Variants in NRXN3 observed in about 807,000 individuals in gnomAD.
The protein encoded by NRXN3 is neurexin III.
NRXN3 carries 32 observed loss-of-function variants against 137.6 expected under a neutral mutation model. That is an observed-to-expected ratio of 0.23 (90% CI 0.18 to 0.31). The LOEUF is 0.31. Among genes scored for constraint, NRXN3 ranks in the 10% least tolerant of loss-of-function variants. NRXN3 has a pLI of 1.00. For synonymous variants in NRXN3, 798 were observed against 784.5 expected, an observed-to-expected ratio of 1.02 and a Z score of -0.29; for missense variants, 1,574 against 2,062.5, an observed-to-expected ratio of 0.76 and a Z score of 4.59.
chr14:78,881,077 C>T (rs760935142), intron 10 of NRXN3, among the ~76,000 whole-genome samples: 1 of 150,524 alleles, frequency 6.6e-6, no homozygotes, highest in African/African-American at 2.5e-5. Flanking sequence ...ATTTCTCCTT[C>T]CTGCTGTCAT....
intron 10 of NRXN3, among the ~76,000 whole-genome samples, chr14:78,896,588 A>C (rs1252823183): frequency 2.0e-5 from 3 of 151,908 alleles, no homozygotes; most frequent in Non-Finnish European, 4.4e-5. Flanking sequence ...TTGAGGGAGA[A>C]GAGAGATCAA....
intron 15 of NRXN3, among the ~76,000 whole-genome samples, chr14:79,139,320 C>T (rs909233927): frequency 1.3e-5 from 2 of 152,112 alleles, no homozygotes; most frequent in African/African-American, 2.4e-5. Context: ...CAGGATTTCT[C>T]TTGGTTAGCA....
intron 16 of NRXN3, among the ~76,000 whole-genome samples, chr14:79,617,833 C>T (rs1422787772): frequency 6.8e-6 from 1 of 147,836 alleles, no homozygotes; most frequent in Non-Finnish European, 1.5e-5. Context: ...AATTTGAGAA[C>T]TGAGTATTAT....
In NRXN3 at chr14:79,326,178, A is replaced by G. The variant is rs189261623; in HGVS notation, c.3263-141043A>G. Among the ~76,000 whole-genome samples, 930 of 152,308 alleles carry G rather than the reference A, an allele frequency of 6.1e-3. 32 individuals are homozygous for G. The highest frequency in any genetic ancestry group is 0.056 in the Admixed American group (859 of 15,294). ...CATAATTTAAGACTTGGAAGTGATG[A>G]TAATGTATTTCAGATGGGCAGTAGA... On this transcript the variant is annotated intron_variant, in intron 15 of 20. Coordinates refer to ENST00000335750, the MANE Select transcript of NRXN3 (RefSeq NM_001330195.2).
intron 16 of NRXN3, among the ~76,000 whole-genome samples, chr14:79,545,377 C>G (rs1318315043): frequency 1.3e-5 from 2 of 152,056 alleles, no homozygotes; most frequent in Admixed American, 1.3e-4. Context: ...CTTATAAATG[C>G]AGATGTTGTT....
At chr14:79,118,418 A>T (rs560001809) in intron 15 of NRXN3, among the ~76,000 whole-genome samples, 2 of 152,308 alleles carry the variant, frequency 1.3e-5, no homozygotes, top group African/African-American at 4.8e-5. Context: ...GGGGAATGGC[A>T]TGTGTTCCTT....
rs548323510 is a variant in NRXN3, at chr14:78,651,135, AT to A, written c.1060-22del. ...ATAGGATCGTAAGGTCATTGTTGGG[AT>A]TTTTTTTGTCCCTATGTCCCTCCAC... On this transcript the variant is annotated intron_variant, in intron 5 of 20. Transcript: ENST00000335750. 48 of 1,602,310 alleles carry A rather than the reference AT, an allele frequency of 3.0e-5. No individual in the cohort carries two copies. In the South Asian group the frequency reaches 3.7e-4, roughly 12 times the overall value.
chr14:78,192,157 TGTC>T (rs968818848), intron 1 of NRXN3, among the ~76,000 whole-genome samples: 1 of 151,544 alleles, frequency 6.6e-6, no homozygotes, highest in African/African-American at 2.4e-5. Context: ...GGGTGTGTGT[TGTC>T]AGGATATTGT....
intron 4 of NRXN3, among the ~76,000 whole-genome samples, chr14:78,375,367 C>A (rs138291353): frequency 6.6e-6 from 1 of 152,184 alleles, no homozygotes; most frequent in East Asian, 1.9e-4. Context: ...AGAGAGCCAT[C>A]GTCTCACCTT....
At chr14:79,238,728 T>C (rs2073835794) in intron 15 of NRXN3, among the ~76,000 whole-genome samples, 1 of 152,152 alleles carries the variant, frequency 6.6e-6, no homozygotes, top group Non-Finnish European at 1.5e-5. Flanking sequence ...GCAGGTGGTT[T>C]CTAGACAAAC....
chr14:78,765,306 A>G (rs1252694786), intron 8 of NRXN3, among the ~76,000 whole-genome samples: 1 of 152,114 alleles, frequency 6.6e-6, no homozygotes, highest in Non-Finnish European at 1.5e-5. Context: ...GGTATGCACC[A>G]CTACACCCGG....
chr14:79,836,739 G>A (rs1171830477), intron 20 of NRXN3, among the ~76,000 whole-genome samples: 1 of 152,104 alleles, frequency 6.6e-6, no homozygotes, highest in African/African-American at 2.4e-5. Context: ...AGACAGCTGT[G>A]CCCAGCACTT....
intron 8 of NRXN3, among the ~76,000 whole-genome samples, chr14:78,723,191 C>T (rs2098467799): frequency 6.6e-6 from 1 of 152,036 alleles, no homozygotes. Context: ...ATCACTGAGG[C>T]AGAAGATAAA....
rs1192058946 is a variant in NRXN3 at position 79,654,728 on chromosome 14, ATTAATTTT to A, written c.3445-9047_3445-9040del. Among the ~76,000 whole-genome samples, 3 of 152,302 alleles carry A rather than the reference ATTAATTTT, an allele frequency of 2.0e-5. No individual in the cohort carries two copies. In the East Asian group the frequency reaches 5.8e-4, roughly 29 times the overall value. On this transcript the variant is annotated intron_variant, in intron 16 of 20. Coordinates refer to ENST00000335750, the MANE Select transcript of NRXN3 (RefSeq NM_001330195.2). ...AATCTCTCCATTCTGAAATGTGTAT[ATTAATTTT>A]TTTTCAGGTAGAGAATGGTATAGAA...
chr14:79,589,661 T>C (rs221423), intron 16 of NRXN3, among the ~76,000 whole-genome samples: 74,996 of 151,362 alleles, frequency 0.5, 21,117 homozygotes, highest in African/African-American at 0.77. Context: ...TTAAGTGGCA[T>C]TTTCTCTTGC....
In NRXN3 at chr14:78,661,691, T is replaced by TA. The variant is rs553613346; in HGVS notation, c.1221+10366dup. Among the ~76,000 whole-genome samples, 4 of 152,340 alleles carry TA rather than the reference T, an allele frequency of 2.6e-5. No homozygotes were observed. In the South Asian group the frequency reaches 8.3e-4, roughly 32 times the overall value. On this transcript the variant is annotated intron_variant, in intron 6 of 20. Coordinates refer to ENST00000335750, the MANE Select transcript of NRXN3 (RefSeq NM_001330195.2). Reference sequence around the variant, plus strand: ...TGGTTAAGAAAGCAGGCTCTGGAGTTAGAGTTTCTGGCTGCAAAGCCTAAC... The same window carrying TA: ...TGGTTAAGAAAGCAGGCTCTGGAGTTAAGAGTTTCTGGCTGCAAAGCCTAAC...
intron 10 of NRXN3, among the ~76,000 whole-genome samples, chr14:78,951,139 C>T (rs1408066216): frequency 6.6e-6 from 1 of 152,162 alleles, no homozygotes; most frequent in Non-Finnish European, 1.5e-5. Context: ...TCATTTTCAT[C>T]TCTTTTCTTT....
intron 8 of NRXN3, among the ~76,000 whole-genome samples, chr14:78,738,279 T>G (rs2098549632): frequency 6.6e-6 from 1 of 152,204 alleles, no homozygotes; most frequent in African/African-American, 2.4e-5. Context: ...ATCCTTCCCC[T>G]TAAGGAGCCA....
At chr14:79,610,179 T>C (rs535099507) in intron 16 of NRXN3, among the ~76,000 whole-genome samples, 2 of 152,266 alleles carry the variant, frequency 1.3e-5, no homozygotes, top group Admixed American at 1.3e-4. Context: ...GAGTCAACAT[T>C]CTGATACTAA....
Sources: gnomAD v4.1 joint callset for allele counts (sites outside exome capture counted in the v4.1 genomes callset) on GRCh38, gnomAD v4.1.1 for gene constraint, MANE v1.5 for transcripts, NCBI Gene and HGNC (gene_info 2026-07-23, HGNC 2026-07-21) for gene names.